The following UCP2 variants were observed in gnomAD, a reference collection of about 807,000 sequenced individuals.
UCP2 encodes the protein dicarboxylate carrier SLC25A8.
A neutral mutation model predicts 31.3 loss-of-function variants in UCP2; 27 were observed. That is an observed-to-expected ratio of 0.86 (90% CI 0.64 to 1.19). The LOEUF (loss-of-function observed/expected upper bound fraction) is 1.19. Ranked by LOEUF, UCP2 falls within the 50% of genes most tolerant of loss-of-function variation. The pLI is 0.00. For missense variants in UCP2, 377 were observed against 413.5 expected (o/e 0.91, Z 0.76); for synonymous variants, 142 against 157.4 (o/e 0.90, Z 0.73).
chr11:73,974,851 A>AGGTCAAGGAGCGGAAGGAAGAGGTGGG lies in UCP2; in HGVS notation c.*155_*156insCCCACCTCTTCCTTCCGCTCCTTGACC. ...TGAGACAATGAGTAGATGAGAATGT[A>AGGTCAAGGAGCGGAAGGAAGAGGTGGG]GAAAGAGGGAAGGTGGTAGGTAAAG... On this transcript the variant is annotated 3_prime_UTR_variant, in exon 8 of 8. Transcript: ENST00000663595. 1.6e-6 allele frequency: 1 copy of AGGTCAAGGAGCGGAAGGAAGAGGTGGG among 638,202 alleles called. No homozygotes were observed. Among genetic ancestry groups the AGGTCAAGGAGCGGAAGGAAGAGGTGGG allele is most frequent in the Non-Finnish European group, 2.8e-6 (1 of 354,950 alleles). The allele number at this position is 638,202 out of a possible 1,614,324, so 39.5% of individuals were successfully genotyped here. A position where few individuals can be genotyped will look rare whatever the true frequency, so the allele number is the denominator to read the frequency against.
rs1951396989 is a variant in UCP2 at position 73,978,333 on chromosome 11, TCA to T, written c.44_45del (p.Val15GlufsTer23). 6.2e-7 allele frequency: 1 copy of T among 1,613,998 alleles called. No individual in the cohort carries two copies. Among genetic ancestry groups the T allele is most frequent in the Non-Finnish European group, 8.5e-7 (1 of 1,180,030 alleles). ...GCAGCTGTGCCAGCCCCAAGAAACT[TCA>T]CAGTGGCAGTAGGGGGCACATCTGT... The part of the protein sequence containing the change: ...KATDVPPTAT[V>X]KFLGAGTAAC... On this transcript the variant is annotated frameshift_variant, in exon 3 of 8. Coordinates refer to ENST00000663595, the MANE Select transcript of UCP2 (RefSeq NM_003355.3). LOFTEE classifies it high-confidence loss of function.
intron 1 of UCP2, among the ~76,000 whole-genome samples, 154 bp downstream of exon 1, chr11:73,982,567 C>A (rs561738969): frequency 6.6e-6 from 1 of 152,274 alleles, no homozygotes; most frequent in Admixed American, 6.5e-5. Context: ...AGAGCGAAAG[C>A]CTGTCTCAAA....
rs1350417211 is a variant in UCP2 at position 73,975,387 on chromosome 11, T to C, written c.815+104A>G. The C allele has an allele frequency of 3.7e-6, 5 of 1,344,324 alleles. No homozygotes were observed. In the Admixed American group the frequency reaches 1.0e-4, roughly 28 times the overall value. The allele number at this position is 1,344,324 out of a possible 1,614,324, so 83.3% of individuals were successfully genotyped here. On this transcript the variant is annotated intron_variant, in intron 7 of 7. Coordinates refer to ENST00000663595, the MANE Select transcript of UCP2 (RefSeq NM_003355.3). ...GAAATGCCAGGACCAGGATCAGAAA[T>C]AGTCACACTTGGCTGCTACTCACTT...
Position 73,978,116 on chromosome 11 carries a change from T to C in UCP2, c.127-20A>G. ...TTGGATCTGCAAGGCCAAGACAGGG[T>C]AGCTACAGGGATAAGCATGTTGCCC... On this transcript the variant is annotated intron_variant, in intron 3 of 7. Coordinates refer to ENST00000663595, the MANE Select transcript of UCP2 (RefSeq NM_003355.3). 6.2e-7 allele frequency: 1 copy of C among 1,613,950 alleles called. No individual in the cohort carries two copies. The highest frequency in any genetic ancestry group is 8.5e-7 in the Non-Finnish European group (1 of 1,179,952).
intron 2 of UCP2, among the ~76,000 whole-genome samples, chr11:73,980,357 G>A (rs1025277767): frequency 1.2e-4 from 19 of 152,112 alleles, no homozygotes; most frequent in East Asian, 5.8e-4. Context: ...CAGGTGGCTG[G>A]GGCAAGCAGG....
In UCP2 at chr11:73,975,519, T is replaced by C; in HGVS notation, c.787A>G (p.Lys263Glu). ...TTGTAGAAGGCTCGGGGCCCCTCCT[T>C]CTGGAGCATGGTAAGGGCACAGTGG... ...AGHCALTMLQ[K>E]EGPRAFYKGF... Residue 263 changes from lysine (K) to glutamate (E), a missense_variant, in exon 7 of 8, where the codon AAG becomes GAG. By Grantham distance (56) the Lys-to-Glu change is moderately conservative (BLOSUM62 1). Coordinates refer to ENST00000663595, the MANE Select transcript of UCP2 (RefSeq NM_003355.3). 1 of 1,612,082 alleles carries C rather than the reference T, an allele frequency of 6.2e-7. No homozygotes were observed. Among genetic ancestry groups the C allele is most frequent in the South Asian group, 1.1e-5 (1 of 91,006 alleles).
chr11:73,982,174 T>C (rs1243747063), intron 1 of UCP2, among the ~76,000 whole-genome samples: 2 of 151,818 alleles, frequency 1.3e-5, no homozygotes, highest in African/African-American at 2.4e-5. Flanking sequence ...CTCGGCATCG[T>C]GGTGGAAAGG....
At chr11:73,977,089 A>T in intron 4 of UCP2, 72 bp from the exon 5 acceptor site, 1 of 1,473,406 alleles carries the variant, frequency 6.8e-7, no homozygotes. Flanking sequence ...CCTCACCAAA[A>T]CCACCCTGTC....
Position 73,974,948 on chromosome 11 carries a change from G to C in UCP2, c.*59C>G, listed in dbSNP as rs115145392. ...AGGGAAGAGAAAGAAGGAAGAAAAG[G>C]AAAGCATGGCCCGGCTAGAGACAAA... On this transcript the variant is annotated 3_prime_UTR_variant, in exon 8 of 8. Transcript: ENST00000663595. 1,607 of 1,414,884 alleles carry C rather than the reference G, an allele frequency of 1.1e-3. 2 individuals carry two copies. The highest frequency in any genetic ancestry group is 6.7e-3 in the African/African-American group (474 of 70,554). The allele number at this position is 1,414,884 out of a possible 1,614,324, so 87.6% of individuals were successfully genotyped here. A position where few individuals can be genotyped will look rare whatever the true frequency, so the allele number is the denominator to read the frequency against.
In UCP2 at chr11:73,979,223, T is replaced by C. The variant is rs1055488247; in HGVS notation, c.-99-746A>G. ...GCAAAGGAGGGAACAACTAATGCCA[T>C]TGGGAGAGAAGGAAGAGTGGGTGAT... On this transcript the variant is annotated intron_variant, in intron 2 of 7. Transcript: ENST00000663595. Among the ~76,000 whole-genome samples the C allele has an allele frequency of 5.9e-5, 9 of 152,228 alleles. No homozygotes were observed. In the East Asian group the frequency reaches 7.7e-4, roughly 13 times the overall value.
chr11:73,977,829 A>C, intron 4 of UCP2, 57 bp downstream of exon 4: 1 of 1,607,500 alleles, frequency 6.2e-7, no homozygotes, highest in Non-Finnish European at 8.5e-7. Flanking sequence ...ATGAACTAAG[A>C]TCAATCATCA....
At chr11:73,982,562 G>T (rs577981918) in intron 1 of UCP2, among the ~76,000 whole-genome samples, 159 bp downstream of exon 1, 102 of 152,342 alleles carry the variant, frequency 6.7e-4, no homozygotes, top group Admixed American at 1.8e-3. Context: ...GAGACAGAGC[G>T]AAAGCCTGTC....
At chr11:73,976,196 C>G (rs1951341459) in intron 6 of UCP2, among the ~76,000 whole-genome samples, 1 of 152,146 alleles carries the variant, frequency 6.6e-6, no homozygotes, top group South Asian at 2.1e-4. Context: ...GAAACTCCAT[C>G]TCTACTAAAA....
chr11:73,974,981 G>A lies in UCP2; in HGVS notation c.*26C>T. 6.9e-7 allele frequency: 1 copy of A among 1,454,524 alleles called. No individual in the cohort carries two copies. Among genetic ancestry groups the A allele is most frequent in the Non-Finnish European group, 9.2e-7 (1 of 1,081,178 alleles). 90.1% of individuals were successfully genotyped at this position (1,454,524 alleles called of 1,614,324 possible). On this transcript the variant is annotated 3_prime_UTR_variant, in exon 8 of 8. Transcript: ENST00000663595. The stretch of plus-strand genomic sequence containing the variant: ...GGCCCGGCTAGAGACAAAGCCAGAG[G>A]TGATCAGGTCAGCAGCAGGAGAGGC...
chr11:73,978,169 C>CA lies in UCP2; in HGVS notation c.127-74dup, dbSNP rs1188094877. The CA allele has an allele frequency of 2.5e-6, 4 of 1,613,884 alleles. No individual in the cohort carries two copies. In the Admixed American group the frequency reaches 6.7e-5, roughly 27 times the overall value. On this transcript the variant is annotated intron_variant, in intron 3 of 7. Transcript: ENST00000663595. ...CCCACCTCCAGTCATCTCGATGCTC[C>CA]AAACACTGGCCCTTGAGGGGTCTGT...
In UCP2 at chr11:73,974,843, G is replaced by T; in HGVS notation, c.*164C>A. On this transcript the variant is annotated 3_prime_UTR_variant, in exon 8 of 8. Coordinates refer to ENST00000663595, the MANE Select transcript of UCP2 (RefSeq NM_003355.3). ...ACCAGCACTGAGACAATGAGTAGAT[G>T]AGAATGTAGAAAGAGGGAAGGTGGT... 1 of 426,400 alleles carries T rather than the reference G, an allele frequency of 2.3e-6. No individual in the cohort carries two copies. The highest frequency in any genetic ancestry group is 4.4e-6 in the Non-Finnish European group (1 of 226,738). The allele number at this position is 426,400 out of a possible 1,614,324, so 26.4% of individuals were successfully genotyped here. A position where few individuals can be genotyped will look rare whatever the true frequency, so the allele number is the denominator to read the frequency against.
At chr11:73,982,267 AGAG>A (rs977462144) in intron 1 of UCP2, among the ~76,000 whole-genome samples, 3 of 152,236 alleles carry the variant, frequency 2.0e-5, no homozygotes. Context: ...AAAAGAGAGA[AGAG>A]AAATAAAGAA....
intron 4 of UCP2, among the ~76,000 whole-genome samples, 191 bp downstream of exon 4, chr11:73,977,695 G>A (rs1267602585): frequency 6.6e-6 from 1 of 152,098 alleles, no homozygotes; most frequent in South Asian, 2.1e-4. Context: ...ATGGGATGAC[G>A]CCCTGCTCAG....
intron 4 of UCP2, 85 bp from the exon 5 acceptor site, chr11:73,977,102 T>C (rs1449796926): frequency 6.5e-6 from 9 of 1,390,712 alleles, no homozygotes; most frequent in African/African-American, 4.3e-5. Context: ...ACCCTGTCAC[T>C]GTCATCTCCT....
Sources: allele counts gnomAD v4.1 joint callset (sites outside exome capture counted in the v4.1 genomes callset), GRCh38; gene constraint gnomAD v4.1.1; transcripts MANE v1.5; gene names NCBI Gene and HGNC (gene_info 2026-07-23, HGNC 2026-07-21).